CBY1: variants seen among roughly 807,000 people sequenced by gnomAD.
CBY1 encodes protein chibby homolog 1.
Under a neutral mutation model 15.6 loss-of-function variants are expected in CBY1, and 10 were observed. The ratio of observed to expected loss-of-function variants is 0.64; its 90% CI spans 0.40 to 1.09. CBY1 has a LOEUF of 1.09. CBY1 is among the 50% of genes least tolerant of loss of function. CBY1 has a pLI of 0.01. For synonymous variants in CBY1, 61 were observed against 63.5 expected, an observed-to-expected ratio of 0.96 and a Z score of 0.19; for missense variants, 150 against 160.5, an observed-to-expected ratio of 0.93 and a Z score of 0.35.
chr22:38,660,532 T>C (rs1477281174), intron 1 of CBY1, among the ~76,000 whole-genome samples: 1 of 152,032 alleles, frequency 6.6e-6, no homozygotes, highest in Non-Finnish European at 1.5e-5. Flanking sequence ...CACATGTTAC[T>C]AATACAAGGA....
At position 38,668,114 on chromosome 22, in the gene CBY1, T is replaced by G. The variant is rs768991185; in HGVS notation, c.60T>G (p.Ser20=). The G allele has an allele frequency of 1.2e-6, 2 of 1,610,468 alleles. No individual in the cohort carries two copies. Among genetic ancestry groups the G allele is most frequent in the Non-Finnish European group, 1.7e-6 (2 of 1,176,756 alleles). The change falls in exon 2 of 5, where the codon TCT becomes TCG. Residue 20 remains serine (S), a synonymous_variant. Coordinates refer to ENST00000216029, the MANE Select transcript of CBY1 (RefSeq NM_015373.4). ...AGACACCTCCTCGGAAGTCGGCATC[T>G]CTCTCCAACCTGCATTCTGTGAGTG... ...PKKTPPRKSA[S]LSNLHSLDRS...
chr22:38,663,284 G>A (rs867889723), intron 1 of CBY1, among the ~76,000 whole-genome samples: 2 of 151,666 alleles, frequency 1.3e-5, no homozygotes, highest in Admixed American at 6.6e-5. Flanking sequence ...GTGAAACCCC[G>A]TCTCTACTAA....
At chr22:38,669,382 A>G (rs984147209) in intron 2 of CBY1, among the ~76,000 whole-genome samples, 13 of 152,126 alleles carry the variant, frequency 8.5e-5, no homozygotes, top group African/African-American at 3.1e-4. Flanking sequence ...AGAATCTAGA[A>G]TAGATTAATT....
chr22:38,657,352 A>G (rs1603110235), intron 1 of CBY1, among the ~76,000 whole-genome samples: 1 of 152,216 alleles, frequency 6.6e-6, no homozygotes, highest in South Asian at 2.1e-4. Flanking sequence ...CTCAGTGCAA[A>G]GAAAGAAGCC....
intron 1 of CBY1, among the ~76,000 whole-genome samples, chr22:38,658,804 A>G (rs1218505039): frequency 1.3e-5 from 2 of 152,116 alleles, no homozygotes; most frequent in African/African-American, 4.8e-5. Context: ...TTGTCTTATC[A>G]TATGGGGGAA....
rs537172692 is a variant in CBY1 at position 38,671,408 on chromosome 22, T to G, written c.303+220T>G. 791 of 552,462 alleles carry G rather than the reference T, an allele frequency of 1.4e-3. 15 individuals are homozygous for G. In the South Asian group the frequency reaches 0.015, roughly 11 times the overall value. 34.2% of individuals were successfully genotyped at this position (552,462 alleles called of 1,614,324 possible). A position where few individuals can be genotyped will look rare whatever the true frequency, so the allele number is the denominator to read the frequency against. ...TAATTACATAAGGACCCAGTTGGAG[T>G]CTGCACAGGATCTGCACAGCACACG... On this transcript the variant is annotated intron_variant, in intron 4 of 4. Transcript: ENST00000216029.
chr22:38,659,634 G>A (rs1031778217), intron 1 of CBY1, among the ~76,000 whole-genome samples: 5 of 151,928 alleles, frequency 3.3e-5, no homozygotes, highest in East Asian at 2.0e-4. Flanking sequence ...AGGCCAAGGC[G>A]GGCAGATCAC....
At chr22:38,673,041 G>T in intron 4 of CBY1, 118 bp from the exon 5 acceptor site, 2 of 671,082 alleles carry the variant, frequency 3.0e-6, no homozygotes, top group Non-Finnish European at 2.7e-6. Flanking sequence ...CATCGAGGAA[G>T]CCAGCAGCAT....
At position 38,658,689 on chromosome 22, in the gene CBY1, A is replaced by C. The variant is rs147839748; in HGVS notation, c.-39+1939A>C. On this transcript the variant is annotated intron_variant, in intron 1 of 4. Transcript: ENST00000216029. Reference sequence around the variant, plus strand: ...GACGGGGTTTCACTGTGTTAGCCAGAGTGGTCTCCATCTCCTGACCTCGTG... The same window carrying C: ...GACGGGGTTTCACTGTGTTAGCCAGCGTGGTCTCCATCTCCTGACCTCGTG... Among the ~76,000 whole-genome samples the C allele has an allele frequency of 7.5e-3, 1,086 of 145,220 alleles. 4 individuals carry two copies. The highest frequency in any genetic ancestry group is 0.011 in the Non-Finnish European group (743 of 65,880).
chr22:38,663,310 C>T (rs1261970706), intron 1 of CBY1, among the ~76,000 whole-genome samples: 1 of 151,798 alleles, frequency 6.6e-6, no homozygotes, highest in East Asian at 1.9e-4. Flanking sequence ...CACAAATTAG[C>T]TGGATGTGGT....
rs757456688 is a variant in CBY1, at chr22:38,671,141, G to A, written c.256G>A (p.Glu86Lys). The change falls in exon 4 of 5, where the codon GAA becomes AAA. Residue 86 changes from glutamate (E) to lysine (K), a missense_variant. By Grantham distance (56) the Glu-to-Lys change is moderately conservative (BLOSUM62 1). Transcript: ENST00000216029. Reference sequence around the variant, plus strand: ...TCGCAGGCGGAACCAGCAGTTGGAGGAAGAGAACAATCTCTTGCGGCTGAA... The same window carrying A: ...TCGCAGGCGGAACCAGCAGTTGGAGAAAGAGAACAATCTCTTGCGGCTGAA... ...RLRRRNQQLE[E>K]ENNLLRLKVD... 14 of 1,614,088 alleles carry A rather than the reference G, an allele frequency of 8.7e-6. No individual in the cohort carries two copies. In the East Asian group the frequency reaches 1.6e-4, roughly 18 times the overall value.
chr22:38,669,331 C>G (rs1243274692), intron 2 of CBY1, among the ~76,000 whole-genome samples: 1 of 152,170 alleles, frequency 6.6e-6, no homozygotes, highest in Non-Finnish European at 1.5e-5. Flanking sequence ...TGTGAACCTC[C>G]TCTGCGCACG....
intron 1 of CBY1, among the ~76,000 whole-genome samples, chr22:38,657,398 T>C (rs1437322997): frequency 1.3e-5 from 2 of 152,196 alleles, no homozygotes; most frequent in Non-Finnish European, 2.9e-5. Context: ...GGTCCCACTG[T>C]GGGTGAGCCG....
chr22:38,668,114 T>C lies in CBY1; in HGVS notation c.60T>C (p.Ser20=). ...AGACACCTCCTCGGAAGTCGGCATC[T>C]CTCTCCAACCTGCATTCTGTGAGTG... is the stretch of plus-strand genomic sequence containing the variant. The part of the protein sequence containing the change: ...PKKTPPRKSA[S]LSNLHSLDRS... Residue 20 remains serine (S), a synonymous_variant, in exon 2 of 5, where the codon TCT becomes TCC. Transcript: ENST00000216029. 1.2e-6 allele frequency: 2 copies of C among 1,610,468 alleles called. No homozygotes were observed. Among genetic ancestry groups the C allele is most frequent in the Non-Finnish European group, 1.7e-6 (2 of 1,176,756 alleles).
At position 38,659,841 on chromosome 22, in the gene CBY1, G is replaced by A. The variant is rs200512480; in HGVS notation, c.-39+3091G>A. On this transcript the variant is annotated intron_variant, in intron 1 of 4. Coordinates refer to ENST00000216029, the MANE Select transcript of CBY1 (RefSeq NM_015373.4). ...CGCACCACTGCACTCCAGCCCGGGC[G>A]ACAGAGTGAGACTCTGTCTCAAAAA... is the stretch of plus-strand genomic sequence containing the variant. Among the ~76,000 whole-genome samples, 52 of 130,330 alleles carry A rather than the reference G, an allele frequency of 4.0e-4. No homozygotes were observed. The East Asian group carries it at 5.3e-3, about 13-fold the overall frequency. 85.5% of individuals were successfully genotyped at this position (130,330 alleles called of 152,430 possible).
In CBY1 at chr22:38,668,133, G is replaced by T; in HGVS notation, c.78+1G>T. 1.3e-6 allele frequency: 2 copies of T among 1,577,888 alleles called. No homozygotes were observed. The highest frequency in any genetic ancestry group is 2.2e-5 in the East Asian group (1 of 44,696). ...GGCATCTCTCTCCAACCTGCATTCTGTGAGTGTCGGTACTGGGGTCGGCCG... is the reference window on the plus strand; with the variant it reads ...GGCATCTCTCTCCAACCTGCATTCTTTGAGTGTCGGTACTGGGGTCGGCCG... On this transcript the variant is annotated splice_donor_variant, in intron 2 of 4. Coordinates refer to ENST00000216029, the MANE Select transcript of CBY1 (RefSeq NM_015373.4). LOFTEE classifies it high-confidence loss of function.
chr22:38,662,981 G>A (rs1232622729), intron 1 of CBY1, among the ~76,000 whole-genome samples: 1 of 151,994 alleles, frequency 6.6e-6, no homozygotes, highest in Non-Finnish European at 1.5e-5. Flanking sequence ...TTAGTTGGGT[G>A]TGGTGGCAGG....
chr22:38,664,269 C>T lies in CBY1; in HGVS notation c.-38-3748C>T, dbSNP rs9622838. ...GGCAGATTGCTTGAGGTCAGGAGTTCGAGACAAGCCTGGCCAGCATAGCGA... is the reference window on the plus strand; with the variant it reads ...GGCAGATTGCTTGAGGTCAGGAGTTTGAGACAAGCCTGGCCAGCATAGCGA... On this transcript the variant is annotated intron_variant, in intron 1 of 4. Transcript: ENST00000216029. Among the ~76,000 whole-genome samples the T allele has an allele frequency of 1.3e-3, 199 of 151,604 alleles. 6 individuals carry two copies. Among genetic ancestry groups the T allele is most frequent in the Non-Finnish European group, 5.4e-4 (37 of 67,928 alleles).
At chr22:38,657,784 C>T (rs939925030) in intron 1 of CBY1, among the ~76,000 whole-genome samples, 3 of 152,144 alleles carry the variant, frequency 2.0e-5, no homozygotes, top group African/African-American at 7.2e-5. Flanking sequence ...TTGTGTCCAG[C>T]CCATGTGCTC....
Sources: gnomAD v4.1 joint callset for allele counts (sites outside exome capture counted in the v4.1 genomes callset) on GRCh38, gnomAD v4.1.1 for gene constraint, MANE v1.5 for transcripts, NCBI Gene and HGNC (gene_info 2026-07-23, HGNC 2026-07-21) for gene names.